Variants in RREB1 observed in about 807,000 individuals in gnomAD.
RREB1 encodes the protein ras-responsive element-binding protein 1.
A neutral mutation model predicts 117.8 loss-of-function variants in RREB1; 27 were observed. That is an observed-to-expected ratio of 0.23 (90% CI 0.17 to 0.32). RREB1 has a LOEUF of 0.32. Ranked by LOEUF, RREB1 falls within the 10% of genes least tolerant of loss-of-function variation. RREB1 has a pLI of 1.00. For synonymous variants in RREB1, 1,298 were observed against 1,026.7 expected, an observed-to-expected ratio of 1.26 and a Z score of -5.05; for missense variants, 2,577 against 2,378.2, an observed-to-expected ratio of 1.08 and a Z score of -1.74.
rs139871554 is a variant in RREB1 at position 7,229,728 on chromosome 6, G to A, written c.1629G>A (p.Pro543=). The change falls in exon 10 of 13, where the codon CCG becomes CCA. Residue 543 remains proline, a synonymous_variant. Transcript: ENST00000379938. The surrounding 1 kb of genome is among the most constrained non-coding windows in gnomAD (Gnocchi z 4.5). ...CGGGCTGTATCAGCCCCAGCCTGCC[G>A]CCACCGCCCCTGAAGCTCCTCAAAG... is the stretch of plus-strand genomic sequence containing the variant. The part of the protein sequence containing the change: ...ASPGCISPSL[P]PPPLKLLKGS... 191 of 1,600,330 alleles carry A rather than the reference G, an allele frequency of 1.2e-4. No individual in the cohort carries two copies. The highest frequency in any genetic ancestry group is 1.6e-4 in the Non-Finnish European group (185 of 1,171,422).
In RREB1 at chr6:7,210,125, T is replaced by G. The variant is rs550477858; in HGVS notation, c.426-679T>G. Among the ~76,000 whole-genome samples, 12 of 152,386 alleles carry G rather than the reference T, an allele frequency of 7.9e-5. No homozygotes were observed. The East Asian group carries it at 2.1e-3, about 27-fold the overall frequency. On this transcript the variant is annotated intron_variant, in intron 6 of 12. Coordinates refer to ENST00000379938, the MANE Select transcript of RREB1 (RefSeq NM_001003699.4). ...TAAGACTCTCTTTTTGGAGTAGACA[T>G]GCACATATTTTATGTAATACTTAAC...
At chr6:7,173,650 A>G (rs1764343890) in intron 1 of RREB1, among the ~76,000 whole-genome samples, 1 of 152,166 alleles carries the variant, frequency 6.6e-6, no homozygotes, top group African/African-American at 2.4e-5. Context: ...AGTCTCAACT[A>G]AAAATGCAAA....
At chr6:7,180,229 C>G (rs927397864) in intron 2 of RREB1, among the ~76,000 whole-genome samples, 1 of 152,148 alleles carries the variant, frequency 6.6e-6, no homozygotes, top group Non-Finnish European at 1.5e-5. Context: ...AGTGCTTTCC[C>G]TAAGATTCCC....
intron 6 of RREB1, among the ~76,000 whole-genome samples, chr6:7,201,079 A>G (rs1227956791): frequency 2.0e-5 from 3 of 152,246 alleles, no homozygotes; most frequent in East Asian, 1.9e-4. Flanking sequence ...AGGTTAGGGA[A>G]GGTTAGGGAT....
Position 7,230,549 on chromosome 6 carries a change from C to G in RREB1, c.2450C>G (p.Pro817Arg), listed in dbSNP as rs146913726. The G allele has an allele frequency of 1.9e-4, 306 of 1,599,148 alleles. 5 individuals carry two copies. The East Asian group carries it at 6.7e-3, about 35-fold the overall frequency. The change falls in exon 10 of 13, where the codon CCC (proline) becomes CGC (arginine). Residue 817 changes from proline to arginine, a missense_variant. Coordinates refer to ENST00000379938, the MANE Select transcript of RREB1 (RefSeq NM_001003699.4). ...ATCCTCAAGCAGCACCTGCACGTGC[C>G]CGAGCAGGACATCGAGAGCTACGTG... ...HHILKQHLHVPEQDIESYVLA... is the reference protein window; with the variant it reads ...HHILKQHLHVREQDIESYVLA...
chr6:7,246,528 G>A lies in RREB1; in HGVS notation c.4078G>A (p.Val1360Ile), dbSNP rs759216297. ...PSEGATELRQ[V>I]AGDAPVEQAT... ...GGAGGGCGCCACTGAGCTCCGCCAG[G>A]TCGCAGGGGATGCGCCTGTGGAGCA... The change falls in exon 12 of 13, where the codon GTC becomes ATC. Residue 1360 changes from valine (V) to isoleucine (I), a missense_variant. Val to Ile is a conservative substitution (Grantham distance 29). Transcript: ENST00000379938. 6.5e-7 allele frequency: 1 copy of A among 1,547,262 alleles called. No homozygotes were observed. Among genetic ancestry groups the A allele is most frequent in the Non-Finnish European group, 8.7e-7 (1 of 1,146,242 alleles).
At chr6:7,175,044 C>G (rs1435457664) in intron 1 of RREB1, among the ~76,000 whole-genome samples, 1 of 152,014 alleles carries the variant, frequency 6.6e-6, no homozygotes. Flanking sequence ...AACCAAAGGG[C>G]TATTCCTCTT....
chr6:7,131,329 G>A (rs1010361233), intron 1 of RREB1, among the ~76,000 whole-genome samples: 12 of 152,166 alleles, frequency 7.9e-5, no homozygotes, highest in African/African-American at 2.9e-4. Flanking sequence ...TATTAAATTG[G>A]TATAATTATC....
At position 7,230,717 on chromosome 6, in the gene RREB1, G is replaced by C. The variant is rs765858464; in HGVS notation, c.2618G>C (p.Gly873Ala). The C allele has an allele frequency of 2.0e-5, 32 of 1,596,832 alleles. No homozygotes were observed. Among genetic ancestry groups the C allele is most frequent in the Non-Finnish European group, 2.6e-5 (31 of 1,170,784 alleles). ...LEPQNGFLHRGPTQPPPPHVS... is the reference protein window; with the variant it reads ...LEPQNGFLHRAPTQPPPPHVS... ...CCCCAGAACGGCTTTCTTCACAGGGGCCCCACCCAGCCTCCACCTCCCCAT... is the reference window on the plus strand; with the variant it reads ...CCCCAGAACGGCTTTCTTCACAGGGCCCCCACCCAGCCTCCACCTCCCCAT... The change falls in exon 10 of 13, where the codon GGC becomes GCC. Residue 873 changes from glycine to alanine, a missense_variant. By Grantham distance (60) the Gly-to-Ala change is moderately conservative. Transcript: ENST00000379938.
rs371044808 is a variant in RREB1 at position 7,231,590 on chromosome 6, G to A, written c.3491G>A (p.Arg1164His). The A allele has an allele frequency of 3.6e-5, 58 of 1,611,316 alleles. No individual in the cohort carries two copies. The highest frequency in any genetic ancestry group is 2.4e-4 in the African/African-American group (18 of 74,882). The change falls in exon 10 of 13, where the codon CGC becomes CAC. Residue 1164 changes from arginine (R) to histidine (H), a missense_variant. By Grantham distance (29) the Arg-to-His change is conservative (BLOSUM62 0). Transcript: ENST00000379938. Reference protein sequence around the residue: ...GRKRGMRSRPRANSGGVDLDS... With the variant: ...GRKRGMRSRPHANSGGVDLDS... ...AAAAGGGGGATGAGGAGCCGACCCCGCGCCAACAGCGGCGGGGTGGACCTG... is the reference window on the plus strand; with the variant it reads ...AAAAGGGGGATGAGGAGCCGACCCCACGCCAACAGCGGCGGGGTGGACCTG...
rs960490978 is a variant in RREB1 at position 7,250,750 on chromosome 6, A to C, written c.*1782A>C. On this transcript the variant is annotated 3_prime_UTR_variant, in exon 13 of 13. Coordinates refer to ENST00000379938, the MANE Select transcript of RREB1 (RefSeq NM_001003699.4). ...CAGTTTCTGAAATCCAACCTCCCAG[A>C]CTTCACAGGAAGATAGATATTCTTG... The C allele has an allele frequency of 6.6e-6, 1 of 152,096 alleles. No homozygotes were observed. The highest frequency in any genetic ancestry group is 1.5e-5 in the Non-Finnish European group (1 of 68,020). The allele number at this position is 152,096 out of a possible 1,614,324, so 9.4% of individuals were successfully genotyped here.
At chr6:7,209,211 A>G (rs1429042943) in intron 6 of RREB1, among the ~76,000 whole-genome samples, 1 of 152,176 alleles carries the variant, frequency 6.6e-6, no homozygotes, top group Non-Finnish European at 1.5e-5. Context: ...GTCAACCTCT[A>G]ATTTTTAATA....
At chr6:7,182,381 A>G (rs1235356591) in intron 4 of RREB1, among the ~76,000 whole-genome samples, 5 of 152,150 alleles carry the variant, frequency 3.3e-5, no homozygotes, top group Admixed American at 3.3e-4. Flanking sequence ...AACATCACTG[A>G]TTTCTGTGAT....
At chr6:7,227,912 A>T (rs1273622109) in intron 9 of RREB1, among the ~76,000 whole-genome samples, 1 of 152,084 alleles carries the variant, frequency 6.6e-6, no homozygotes, top group South Asian at 2.1e-4. Flanking sequence ...CTAAAAGTAT[A>T]AAAAATTAGC....
At chr6:7,204,094 T>G (rs952249853) in intron 6 of RREB1, among the ~76,000 whole-genome samples, 3 of 152,184 alleles carry the variant, frequency 2.0e-5, no homozygotes, top group Non-Finnish European at 4.4e-5. Context: ...CCAGGCTGAC[T>G]TTAGATTTTT....
intron 1 of RREB1, among the ~76,000 whole-genome samples, chr6:7,143,692 C>T (rs1762727779): frequency 6.6e-6 from 1 of 152,108 alleles, no homozygotes; most frequent in Admixed American, 6.5e-5. Flanking sequence ...GTCGGCTGCT[C>T]ATCATTCGGG....
At chr6:7,181,076 T>G in intron 2 of RREB1, 48 bp from the exon 3 acceptor site, 1 of 397,768 alleles carries the variant, frequency 2.5e-6, no homozygotes, top group Non-Finnish European at 4.4e-6. Context: ...CAGTTTTTTC[T>G]TCACTAAGTG....
At chr6:7,187,049 G>A (rs925396866) in intron 4 of RREB1, among the ~76,000 whole-genome samples, 1 of 152,270 alleles carries the variant, frequency 6.6e-6, no homozygotes, top group Admixed American at 6.5e-5. Flanking sequence ...CTGGACTTGG[G>A]GAGAAATGTA....
At chr6:7,231,963 C>G in intron 10 of RREB1, 56 bp downstream of exon 10, 4 of 1,501,886 alleles carry the variant, frequency 2.7e-6, no homozygotes, top group Non-Finnish European at 3.6e-6. Context: ...TAGGGGGAGC[C>G]ACGAGTGGGG....
Sources: gnomAD v4.1 joint callset for allele counts (sites outside exome capture counted in the v4.1 genomes callset) on GRCh38, gnomAD v4.1.1 for gene constraint, Gnocchi (gnomAD v3.1) non-coding constraint, MANE v1.5 for transcripts, NCBI Gene and HGNC (gene_info 2026-07-23, HGNC 2026-07-21) for gene names.